Variants in DOCK10 observed in about 807,000 individuals in gnomAD.
DOCK10 encodes the protein dedicator of cytokinesis 10, also known as dedicator of cytokinesis protein 10.
A neutral mutation model predicts 280.1 loss-of-function variants in DOCK10; 145 were observed. The ratio of observed to expected loss-of-function variants is 0.52; its 90% confidence interval spans 0.45 to 0.59. The LOEUF is 0.59. DOCK10 is among the 20% of genes least tolerant of loss of function. The pLI is 0.00. For synonymous variants in DOCK10, 915 were observed against 942.2 expected, an observed-to-expected ratio of 0.97 and a Z score of 0.53; for missense variants, 2,368 against 2,651.7, an observed-to-expected ratio of 0.89 and a Z score of 2.35.
chr2:225,022,948 G>T (rs1404467614), intron 1 of DOCK10, among the ~76,000 whole-genome samples: 1 of 152,136 alleles, frequency 6.6e-6, no homozygotes, highest in South Asian at 2.1e-4. Context: ...GAAAGATACT[G>T]TTCCTAATTA....
chr2:224,805,543 C>CACAAG lies in DOCK10; in HGVS notation c.3815-15_3815-14insCTTGT, dbSNP rs1186919395. 6.2e-7 allele frequency: 1 copy of CACAAG among 1,611,378 alleles called. No homozygotes were observed. Among genetic ancestry groups the CACAAG allele is most frequent in the Non-Finnish European group, 8.5e-7 (1 of 1,178,506 alleles). ...TTGATGAAAATGCTGTAAACACAAG[C>CACAAG]CACAGCACACGTATGGGAATGAGAT... On this transcript the variant is annotated splice_polypyrimidine_tract_variant and intron_variant, in intron 34 of 55. Coordinates refer to ENST00000258390, the MANE Select transcript of DOCK10 (RefSeq NM_014689.3). This position sits in a 1 kb window ranked among gnomAD's most constrained non-coding sequence, Gnocchi z 4.3.
chr2:224,931,785 A>G, intron 1 of DOCK10, 117 bp from the exon 2 acceptor site: 5 of 1,138,696 alleles, frequency 4.4e-6, no homozygotes, highest in Non-Finnish European at 5.9e-6. Context: ...CAATCCTTCC[A>G]ATGCAGTCAC....
chr2:225,020,442 A>G (rs1167325192), intron 1 of DOCK10, among the ~76,000 whole-genome samples: 2 of 152,144 alleles, frequency 1.3e-5, no homozygotes, highest in African/African-American at 4.8e-5. Flanking sequence ...GCCAAACTTA[A>G]CCTAGCAACA....
chr2:224,896,672 A>C (rs1700006095), intron 3 of DOCK10, among the ~76,000 whole-genome samples: 1 of 152,198 alleles, frequency 6.6e-6, no homozygotes, highest in South Asian at 2.1e-4. Flanking sequence ...AGCCGAGATC[A>C]CGCCACTGCA....
At chr2:224,854,537 G>C (rs1352323900) in intron 16 of DOCK10, among the ~76,000 whole-genome samples, 1 of 152,146 alleles carries the variant, frequency 6.6e-6, no homozygotes, top group African/African-American at 2.4e-5. Context: ...TTTTGAGTGA[G>C]AGGAACTCCC....
chr2:225,027,562 T>C (rs1361545626), intron 1 of DOCK10, among the ~76,000 whole-genome samples: 1 of 152,140 alleles, frequency 6.6e-6, no homozygotes, highest in African/African-American at 2.4e-5. Flanking sequence ...GTGGTCATGA[T>C]AGTGAGTCTC....
intron 27 of DOCK10, 24 bp downstream of exon 27, chr2:224,830,517 A>C: frequency 1.6e-6 from 2 of 1,223,246 alleles, no homozygotes; most frequent in Non-Finnish European, 2.2e-6. Context: ...AAATATTATA[A>C]TATTATATTA....
At chr2:224,929,864 A>C (rs374772854) in intron 2 of DOCK10, among the ~76,000 whole-genome samples, 2 of 152,104 alleles carry the variant, frequency 1.3e-5, no homozygotes, top group African/African-American at 4.8e-5. Context: ...CTAGGAGAAA[A>C]GATGCTCCTG....
chr2:225,017,138 T>G (rs1689633379), intron 1 of DOCK10, among the ~76,000 whole-genome samples: 1 of 149,026 alleles, frequency 6.7e-6, no homozygotes, highest in Non-Finnish European at 1.5e-5. Flanking sequence ...TTTGAGAGGA[T>G]TTCCTAATCT....
intron 1 of DOCK10, among the ~76,000 whole-genome samples, chr2:225,035,572 A>ATATATTATATATATATATATATATAT (rs1553634954): frequency 3.3e-4 from 23 of 69,958 alleles, no homozygotes; most frequent in Admixed American, 1.3e-3. Context: ...ATATATATAT[A>ATATATTATATATATATATATATATAT]TATATATATA....
At chr2:225,035,572 A>ATATATATTATATATATATATATAT (rs1553634955) in intron 1 of DOCK10, among the ~76,000 whole-genome samples, 1 of 69,956 alleles carries the variant, frequency 1.4e-5, no homozygotes, top group Admixed American at 1.7e-4. Context: ...ATATATATAT[A>ATATATATTATATATATATATATAT]TATATATATA....
intron 1 of DOCK10, among the ~76,000 whole-genome samples, chr2:225,007,911 A>G (rs977716987): frequency 3.3e-5 from 5 of 152,222 alleles, no homozygotes; most frequent in African/African-American, 1.2e-4. Context: ...GAGCATGATC[A>G]GGGATATGCA....
intron 23 of DOCK10, 63 bp from the exon 24 acceptor site, chr2:224,840,135 A>G: frequency 1.4e-6 from 1 of 714,518 alleles, no homozygotes; most frequent in Non-Finnish European, 2.3e-6. Context: ...TACATTCAAG[A>G]CCTGAAACTA....
intron 27 of DOCK10, among the ~76,000 whole-genome samples, chr2:224,828,083 C>G (rs191862266): frequency 6.6e-6 from 1 of 152,198 alleles, no homozygotes; most frequent in Non-Finnish European, 1.5e-5. Flanking sequence ...GGAGTTGTCC[C>G]GCCTCTCCTT....
At chr2:224,966,820 T>G (rs567223268) in intron 1 of DOCK10, among the ~76,000 whole-genome samples, 1 of 151,868 alleles carries the variant, frequency 6.6e-6, no homozygotes, top group South Asian at 2.1e-4. Flanking sequence ...TGTGAACAAA[T>G]ATGAATAAAC....
intron 50 of DOCK10, among the ~76,000 whole-genome samples, chr2:224,782,296 T>G (rs1302276136): frequency 6.6e-6 from 1 of 152,204 alleles, no homozygotes; most frequent in Non-Finnish European, 1.5e-5. Context: ...TAGGCATGAC[T>G]GCAAATTATG....
intron 1 of DOCK10, among the ~76,000 whole-genome samples, chr2:224,989,434 CATT>C (rs1360450784): frequency 1.3e-5 from 2 of 152,134 alleles, no homozygotes; most frequent in African/African-American, 4.8e-5. Flanking sequence ...TCATTGTCAT[CATT>C]ATCATCTTCA....
intron 1 of DOCK10, among the ~76,000 whole-genome samples, chr2:225,020,407 C>T (rs1340627202): frequency 6.6e-6 from 1 of 152,090 alleles, no homozygotes; most frequent in South Asian, 2.1e-4. Flanking sequence ...AATGAGCTAA[C>T]CATGAAGCAA....
At chr2:224,937,963 G>T (rs986562116) in intron 1 of DOCK10, among the ~76,000 whole-genome samples, 2 of 152,170 alleles carry the variant, frequency 1.3e-5, no homozygotes, top group Admixed American at 1.3e-4. Flanking sequence ...GATGGAAAGA[G>T]GAAGAGAGAA....
Sources: allele counts gnomAD v4.1 joint callset (sites outside exome capture counted in the v4.1 genomes callset), GRCh38; gene constraint gnomAD v4.1.1; non-coding constraint Gnocchi (gnomAD v3.1); transcripts MANE v1.5; gene names NCBI Gene and HGNC (gene_info 2026-07-23, HGNC 2026-07-21).